Variants in EDAR observed in about 807,000 individuals in gnomAD.
EDAR encodes tumor necrosis factor receptor superfamily member EDAR.
Under a neutral mutation model 51.3 loss-of-function variants are expected in EDAR, and 38 were observed. The ratio of observed to expected loss-of-function variants is 0.74; its 90% CI spans 0.57 to 0.97. EDAR has a LOEUF of 0.97. EDAR is among the 50% of genes least tolerant of loss of function. The probability of loss-of-function intolerance (pLI) is 0.00; values close to 1 mark genes in which losing one functional copy is unlikely to be tolerated. For synonymous variants in EDAR, 227 were observed against 242.1 expected (o/e 0.94, Z 0.58); for missense variants, 528 against 595.0 (o/e 0.89, Z 1.17).
intron 5 of EDAR, among the ~76,000 whole-genome samples, 163 bp downstream of exon 5, chr2:108,923,205 C>T (rs547158407): frequency 1.3e-5 from 2 of 152,334 alleles, no homozygotes; most frequent in South Asian, 4.1e-4. Flanking sequence ...ACATCCCTCC[C>T]TTCATAGACC....
intron 1 of EDAR, among the ~76,000 whole-genome samples, chr2:108,961,747 A>G (rs1322137128): frequency 6.6e-6 from 1 of 152,072 alleles, no homozygotes; most frequent in Non-Finnish European, 1.5e-5. Flanking sequence ...TTCCTGGAAG[A>G]GGTGAGAAGT....
intron 5 of EDAR, among the ~76,000 whole-genome samples, chr2:108,918,255 T>C (rs914781301): frequency 2.0e-5 from 3 of 152,238 alleles, no homozygotes; most frequent in Non-Finnish European, 4.4e-5. Context: ...CCCCTGCACC[T>C]GCACCCAAGT....
chr2:108,975,232 C>T (rs771045475), intron 1 of EDAR, among the ~76,000 whole-genome samples: 25 of 152,192 alleles, frequency 1.6e-4, no homozygotes, highest in Non-Finnish European at 2.8e-4. Flanking sequence ...GATCTGAACA[C>T]AGGGATAGCA....
At chr2:108,926,669 C>A (rs1697262167) in intron 4 of EDAR, among the ~76,000 whole-genome samples, 2 of 152,220 alleles carry the variant, frequency 1.3e-5, no homozygotes, top group Non-Finnish European at 2.9e-5. Flanking sequence ...CAGGTCCTCC[C>A]ACACAACCTC....
Position 108,974,087 on chromosome 2 carries a change from T to C in EDAR, c.-19+14873A>G, listed in dbSNP as rs184948292. On this transcript the variant is annotated intron_variant, in intron 1 of 11. Coordinates refer to ENST00000258443, the MANE Select transcript of EDAR (RefSeq NM_022336.4). ...GCTCACGCCTGTAATCCCAGCACTT[T>C]GGGAGGCCGAGGTGGGTGGATCACG... Among the ~76,000 whole-genome samples, 1,297 of 152,094 alleles carry C rather than the reference T, an allele frequency of 8.5e-3. 28 individuals are homozygous for C. Among genetic ancestry groups the C allele is most frequent in the African/African-American group, 0.03 (1,252 of 41,482 alleles).
chr2:108,913,507 CACTATTAAAA>C (rs1242404949), intron 5 of EDAR, among the ~76,000 whole-genome samples: 21 of 151,952 alleles, frequency 1.4e-4, no homozygotes, highest in Admixed American at 1.3e-4. Context: ...AATATATGCT[CACTATTAAAA>C]ATCTGGAAAA....
intron 1 of EDAR, among the ~76,000 whole-genome samples, chr2:108,954,196 T>C (rs1697877605): frequency 6.6e-6 from 1 of 152,144 alleles, no homozygotes; most frequent in African/African-American, 2.4e-5. Flanking sequence ...GGCATTTCCA[T>C]GTTATGTCCT....
chr2:108,965,760 TG>T (rs1558836958), intron 1 of EDAR, among the ~76,000 whole-genome samples: 1 of 151,964 alleles, frequency 6.6e-6, no homozygotes, highest in African/African-American at 2.4e-5. Flanking sequence ...GATGTGGTGG[TG>T]GGGGGCTGGG....
rs572038172 is a variant in EDAR, at chr2:108,980,393, C to T, written c.-19+8567G>A. 1.1e-4 allele frequency among the ~76,000 whole-genome samples: 16 copies of T among 152,200 alleles called. No homozygotes were observed. In the South Asian group the frequency reaches 3.3e-3, roughly 32 times the overall value. On this transcript the variant is annotated intron_variant, in intron 1 of 11. Coordinates refer to ENST00000258443, the MANE Select transcript of EDAR (RefSeq NM_022336.4). Reference sequence around the variant, plus strand: ...CCACTAATGCTCTGGTGGGCACGCCCTGCCGCTCACCTCAGCAGCAAGTCG... The same window carrying T: ...CCACTAATGCTCTGGTGGGCACGCCTTGCCGCTCACCTCAGCAGCAAGTCG...
chr2:108,926,127 G>A (rs138289740), intron 4 of EDAR, among the ~76,000 whole-genome samples: 56 of 152,298 alleles, frequency 3.7e-4, no homozygotes, highest in African/African-American at 1.3e-3. Flanking sequence ...CTCATCCTGG[G>A]CTGCACAGCA....
chr2:108,919,264 C>T (rs991573339), intron 5 of EDAR, among the ~76,000 whole-genome samples: 3 of 152,238 alleles, frequency 2.0e-5, no homozygotes, highest in African/African-American at 7.2e-5. Context: ...AAAGGCCAGC[C>T]TGCTCTGGAT....
chr2:108,910,950 G>C lies in EDAR; in HGVS notation c.652C>G (p.Pro218Ala). 1 of 1,614,160 alleles carries C rather than the reference G, an allele frequency of 6.2e-7. No individual in the cohort carries two copies. Among genetic ancestry groups the C allele is most frequent in the African/African-American group, 1.3e-5 (1 of 75,026 alleles). ...FYILKTKPSA[P>A]ACCTSHPGKS... ...ACCGGCGCATGGGGGCCGTCACCTG[G>C]GGCAGAGGGCTTTGTCTTCAGGATG... The change falls in exon 7 of 12, where the codon CCA becomes GCA. Residue 218 changes from proline to alanine, a missense_variant. By Grantham distance (27) the Pro-to-Ala change is conservative (BLOSUM62 -1). Transcript: ENST00000258443.
chr2:108,979,537 G>T (rs1245621972), intron 1 of EDAR, among the ~76,000 whole-genome samples: 1 of 151,942 alleles, frequency 6.6e-6, no homozygotes, highest in Non-Finnish European at 1.5e-5. Flanking sequence ...GGGGGCTGGA[G>T]AAAGCAAGCT....
intron 5 of EDAR, 44 bp from the exon 6 acceptor site, chr2:108,912,808 A>C: frequency 2.7e-5 from 40 of 1,475,490 alleles, no homozygotes; most frequent in Non-Finnish European, 3.4e-5. Flanking sequence ...GAGAAGCTCC[A>C]CCTTCAAAGA....
intron 1 of EDAR, among the ~76,000 whole-genome samples, chr2:108,935,802 T>C (rs1462575263): frequency 6.6e-6 from 1 of 152,232 alleles, no homozygotes; most frequent in East Asian, 1.9e-4. Flanking sequence ...CCCTGCTCTA[T>C]TGGGCCTTTA....
chr2:108,978,625 T>C (rs1173150383), intron 1 of EDAR, among the ~76,000 whole-genome samples: 2 of 152,206 alleles, frequency 1.3e-5, no homozygotes, highest in South Asian at 2.1e-4. Context: ...ATTTTAACTA[T>C]TCATATTAAA....
At chr2:108,983,083 T>C (rs904731989) in intron 1 of EDAR, among the ~76,000 whole-genome samples, 1 of 152,234 alleles carries the variant, frequency 6.6e-6, no homozygotes, top group African/African-American at 2.4e-5. Flanking sequence ...AATTAGTTTG[T>C]GCTGCTTACA....
intron 1 of EDAR, among the ~76,000 whole-genome samples, chr2:108,933,944 G>A (rs941648266): frequency 6.6e-6 from 1 of 152,152 alleles, no homozygotes; most frequent in Non-Finnish European, 1.5e-5. Flanking sequence ...TCTGTGGATA[G>A]GGCCAGAGGC....
At chr2:108,939,169 A>C (rs1034232086) in intron 1 of EDAR, among the ~76,000 whole-genome samples, 1 of 151,766 alleles carries the variant, frequency 6.6e-6, no homozygotes, top group African/African-American at 2.4e-5. Context: ...CATGCCACTC[A>C]TCCTTCCATT....
Sources: allele counts gnomAD v4.1 joint callset (sites outside exome capture counted in the v4.1 genomes callset), GRCh38; gene constraint gnomAD v4.1.1; transcripts MANE v1.5; gene names NCBI Gene and HGNC (gene_info 2026-07-23, HGNC 2026-07-21).